Variants in FBXO38 observed in about 807,000 individuals in gnomAD.
FBXO38 encodes the protein F-box only protein 38.
In FBXO38, 53 loss-of-function variants were observed where a neutral mutation model predicts 131.9. That is an observed-to-expected ratio of 0.40 (90% CI 0.32 to 0.51). The LOEUF is 0.51. Ranked by LOEUF, FBXO38 falls within the 20% of genes least tolerant of loss-of-function variation. FBXO38 has a pLI of 0.53. For missense variants in FBXO38, 1,076 were observed against 1,475.6 expected, an observed-to-expected ratio of 0.73 and a Z score of 4.44; for synonymous variants, 452 against 505.6, an observed-to-expected ratio of 0.89 and a Z score of 1.42.
At chr5:148,404,349 A>T (rs893789222) in intron 5 of FBXO38, among the ~76,000 whole-genome samples, 11 of 152,134 alleles carry the variant, frequency 7.2e-5, no homozygotes, top group Non-Finnish European at 5.9e-5. Context: ...TCAGTAATCC[A>T]TTTTCACTTT....
At chr5:148,402,578 GA>G in intron 5 of FBXO38, 65 bp downstream of exon 5, 1 of 1,312,648 alleles carries the variant, frequency 7.6e-7, no homozygotes, top group Non-Finnish European at 1.0e-6. Flanking sequence ...AATATTCACT[GA>G]AAAAGAATAA....
At chr5:148,407,373 C>A (rs931490814) in intron 7 of FBXO38, among the ~76,000 whole-genome samples, 1 of 151,838 alleles carries the variant, frequency 6.6e-6, no homozygotes, top group African/African-American at 2.4e-5. Flanking sequence ...TAAGGGTGAC[C>A]CTGCCTTGTA....
chr5:148,403,559 C>T (rs1752281338), intron 5 of FBXO38, among the ~76,000 whole-genome samples: 1 of 152,116 alleles, frequency 6.6e-6, no homozygotes, highest in Non-Finnish European at 1.5e-5. Context: ...CATCTTACAT[C>T]TCAATCTGTA....
At chr5:148,431,700 C>T (rs1025939984) in intron 15 of FBXO38, among the ~76,000 whole-genome samples, 6 of 152,138 alleles carry the variant, frequency 3.9e-5, no homozygotes, top group Non-Finnish European at 8.8e-5. Flanking sequence ...AATGTGCTGC[C>T]TTTAGAAGGT....
At chr5:148,397,033 C>A (rs142140383) in intron 2 of FBXO38, among the ~76,000 whole-genome samples, 1 of 152,270 alleles carries the variant, frequency 6.6e-6, no homozygotes, top group Non-Finnish European at 1.5e-5. Context: ...CAGCATTTGA[C>A]AGCACGTAGA....
intron 1 of FBXO38, among the ~76,000 whole-genome samples, chr5:148,388,178 T>C (rs1211154584): frequency 1.3e-5 from 2 of 152,234 alleles, no homozygotes; most frequent in Non-Finnish European, 2.9e-5. Flanking sequence ...AGGAAACTTT[T>C]CTGAGCAGTA....
rs965993307 is a variant in FBXO38, at chr5:148,412,806, C to T, written c.1094-1330C>T. Among the ~76,000 whole-genome samples, 5 of 152,192 alleles carry T rather than the reference C, an allele frequency of 3.3e-5. 1 individual carries two copies. In the East Asian group the frequency reaches 7.7e-4, roughly 24 times the overall value. On this transcript the variant is annotated intron_variant, in intron 9 of 21. Coordinates refer to ENST00000340253, the MANE Select transcript of FBXO38 (RefSeq NM_205836.3). ...AAGTGATGTATACATTTACAGTAAT[C>T]TCTGACACTTAGGAAGTATTCAATA...
At chr5:148,392,617 G>T (rs199783925) in intron 1 of FBXO38, among the ~76,000 whole-genome samples, 1 of 147,808 alleles carries the variant, frequency 6.8e-6, no homozygotes, top group East Asian at 2.0e-4. Context: ...GTGTGTGTGT[G>T]TGTATTTGTA....
intron 1 of FBXO38, among the ~76,000 whole-genome samples, chr5:148,391,816 G>A (rs924541993): frequency 6.6e-6 from 1 of 152,028 alleles, no homozygotes; most frequent in Non-Finnish European, 1.5e-5. Flanking sequence ...GTTTTTTTCT[G>A]CTTTCCTAAA....
chr5:148,435,117 C>T (rs1754268231), intron 17 of FBXO38: 1 of 152,172 alleles, frequency 6.6e-6, no homozygotes, highest in South Asian at 2.1e-4. Context: ...AAAATAAAAA[C>T]ATTTTATTAT....
chr5:148,386,360 C>T (rs1757913933), intron 1 of FBXO38, among the ~76,000 whole-genome samples: 1 of 152,124 alleles, frequency 6.6e-6, no homozygotes, highest in African/African-American at 2.4e-5. Context: ...TGATTTGTCA[C>T]CTTATCCTCT....
intron 2 of FBXO38, among the ~76,000 whole-genome samples, chr5:148,398,390 G>A (rs1751932640): frequency 6.6e-6 from 1 of 150,798 alleles, no homozygotes; most frequent in Admixed American, 6.6e-5. Context: ...CACATGAGGT[G>A]TCTTAATACT....
At chr5:148,416,916 G>A in intron 11 of FBXO38, 78 bp from the exon 12 acceptor site, 2 of 799,858 alleles carry the variant, frequency 2.5e-6, no homozygotes, top group Non-Finnish European at 2.2e-6. Flanking sequence ...ATGTAAAGGT[G>A]AAATGAAGGG....
rs199662567 is a variant in FBXO38, at chr5:148,416,041, C to T, written c.1378C>T (p.Leu460=). The part of the protein sequence containing the change: ...ELLPSLEFIS[L]DQMFREPPKG... ...ATTACCCAGCCTAGAGTTTATTTCA[C>T]TGGATCAGATGTTTCGTGAACCACC... Residue 460 remains leucine (L), a synonymous_variant, in exon 11 of 22, where the codon CTG becomes TTG. Coordinates refer to ENST00000340253, the MANE Select transcript of FBXO38 (RefSeq NM_205836.3). 9 of 1,609,470 alleles carry T rather than the reference C, an allele frequency of 5.6e-6. No homozygotes were observed. The highest frequency in any genetic ancestry group is 7.6e-6 in the Non-Finnish European group (9 of 1,177,764).
At position 148,399,090 on chromosome 5, in the gene FBXO38, G is replaced by A. The variant is rs749885240; in HGVS notation, c.220G>A (p.Val74Ile). 1 of 1,613,452 alleles carries A rather than the reference G, an allele frequency of 6.2e-7. No individual in the cohort carries two copies. The highest frequency in any genetic ancestry group is 1.1e-5 in the South Asian group (1 of 91,066). ...VTLYLRVVRV[V>I]DLCAGRWWEY... ...CCTATATCTGCGAGTTGTGAGAGTTGTAGATCTCTGTGCAGGGCGGTGGTG... is the reference window on the plus strand; with the variant it reads ...CCTATATCTGCGAGTTGTGAGAGTTATAGATCTCTGTGCAGGGCGGTGGTG... Residue 74 changes from valine (V) to isoleucine (I), a missense_variant, in exon 3 of 22, where the codon GTA (valine) becomes ATA (isoleucine). By Grantham distance (29) the Val-to-Ile change is conservative. Around this residue, in one of 8 missense-constraint regions of FBXO38, gnomAD observed 96 missense variants for 193.9 expected, o/e 0.50. Coordinates refer to ENST00000340253, the MANE Select transcript of FBXO38 (RefSeq NM_205836.3).
At chr5:148,439,625 C>G in intron 18 of FBXO38, 22 bp from the exon 19 acceptor site, 4 of 1,595,038 alleles carry the variant, frequency 2.5e-6, no homozygotes, top group Admixed American at 3.4e-5. Context: ...TTGAAGACAT[C>G]TCTTTATGAT....
intron 8 of FBXO38, chr5:148,410,432 T>G (rs1016002409): frequency 3.4e-6 from 2 of 582,918 alleles, no homozygotes; most frequent in Non-Finnish European, 5.9e-6. Context: ...AGATGTGACT[T>G]GCTCCTTTTT....
chr5:148,395,491 G>T (rs1758434300), intron 2 of FBXO38, among the ~76,000 whole-genome samples: 2 of 150,586 alleles, frequency 1.3e-5, no homozygotes, highest in African/African-American at 2.4e-5. Flanking sequence ...TTTTTAAAGG[G>T]AAAGCTGTCA....
chr5:148,402,520 A>T lies in FBXO38; in HGVS notation c.592+7A>T. The T allele has an allele frequency of 6.3e-7, 1 of 1,597,404 alleles. No homozygotes were observed. Among genetic ancestry groups the T allele is most frequent in the Non-Finnish European group, 8.6e-7 (1 of 1,169,120 alleles). On this transcript the variant is annotated splice_region_variant and intron_variant, in intron 5 of 21. Coordinates refer to ENST00000340253, the MANE Select transcript of FBXO38 (RefSeq NM_205836.3). ...CAAACTTTACATTTAGTTGGTGAGT[A>T]CATGTTTCTTGGGTCACTTGTAACT... is the stretch of plus-strand genomic sequence containing the variant.
Sources: gnomAD v4.1 joint callset for allele counts (sites outside exome capture counted in the v4.1 genomes callset) on GRCh38, gnomAD v4.1.1 for gene constraint, gnomAD v4.1.1 regional missense constraint, MANE v1.5 for transcripts, NCBI Gene and HGNC (gene_info 2026-07-23, HGNC 2026-07-21) for gene names.